CALN1: variants seen among roughly 807,000 people sequenced by gnomAD.
CALN1 encodes calcium-binding protein 8.
CALN1 carries 17 observed loss-of-function variants against 30.6 expected under a neutral mutation model. The ratio of observed to expected loss-of-function variants is 0.56; its 90% CI spans 0.38 to 0.83. The LOEUF is 0.83. Among genes scored for constraint, CALN1 ranks in the 40% least tolerant of loss-of-function variants. CALN1 has a pLI of 0.00. For missense variants in CALN1, 291 were observed against 354.9 expected (o/e 0.82, Z 1.45); for synonymous variants, 156 against 131.4 (o/e 1.19, Z -1.28).
intron 5 of CALN1, among the ~76,000 whole-genome samples, chr7:71,871,519 G>A (rs1040955341): frequency 4.6e-5 from 7 of 152,132 alleles, no homozygotes; most frequent in African/African-American, 1.7e-4. Context: ...GGCTGAGTCA[G>A]GAGGATCACT....
chr7:71,892,797 T>C (rs1161990910), intron 5 of CALN1, among the ~76,000 whole-genome samples: 2 of 152,200 alleles, frequency 1.3e-5, no homozygotes, highest in Non-Finnish European at 2.9e-5. Context: ...CTTTCACATT[T>C]TGTATGTTCT....
intron 2 of CALN1, among the ~76,000 whole-genome samples, chr7:72,341,673 G>A (rs1193621699): frequency 2.0e-5 from 3 of 152,136 alleles, no homozygotes; most frequent in Admixed American, 6.5e-5. Context: ...TCCTGCCTGC[G>A]TAAATTTGGG....
At chr7:72,151,438 A>G (rs1787239523) in intron 3 of CALN1, among the ~76,000 whole-genome samples, 1 of 152,142 alleles carries the variant, frequency 6.6e-6, no homozygotes, top group Non-Finnish European at 1.5e-5. Flanking sequence ...TTATCTCAGT[A>G]AAGATCCTAT....
chr7:72,324,132 T>C (rs915410135), intron 2 of CALN1, among the ~76,000 whole-genome samples: 1 of 152,100 alleles, frequency 6.6e-6, no homozygotes, highest in Admixed American at 6.6e-5. Flanking sequence ...AAGTTGGCTG[T>C]ACAGTGGAAT....
At chr7:72,118,046 G>T (rs907025786) in intron 3 of CALN1, among the ~76,000 whole-genome samples, 1 of 151,886 alleles carries the variant, frequency 6.6e-6, no homozygotes, top group Non-Finnish European at 1.5e-5. Context: ...CACAGGCCCA[G>T]TGCTCAGGGC....
At chr7:72,017,016 A>AAAAAAAAAAAAAAAAAAAAAAC (rs1800425338) in intron 5 of CALN1, among the ~76,000 whole-genome samples, 1 of 147,302 alleles carries the variant, frequency 6.8e-6, no homozygotes, top group African/African-American at 2.6e-5. Context: ...AAAAAAAAAA[A>AAAAAAAAAAAAAAAAAAAAAAC]AGCTGGGTAT....
intron 3 of CALN1, among the ~76,000 whole-genome samples, chr7:72,179,172 G>T (rs1789579010): frequency 6.6e-6 from 1 of 152,164 alleles, no homozygotes; most frequent in Non-Finnish European, 1.5e-5. Flanking sequence ...TGACTTTCAA[G>T]GGCATTCAGT....
intron 3 of CALN1, among the ~76,000 whole-genome samples, chr7:72,219,157 C>T (rs1331310651): frequency 2.0e-5 from 3 of 152,172 alleles, no homozygotes; most frequent in African/African-American, 2.4e-5. Context: ...GATCTGACCA[C>T]GGGCATAGAA....
chr7:72,440,094 C>A (rs908241018), intron 1 of CALN1, among the ~76,000 whole-genome samples: 2 of 152,166 alleles, frequency 1.3e-5, no homozygotes, highest in African/African-American at 4.8e-5. Flanking sequence ...ATCTCACGGA[C>A]AACAAAACTC....
chr7:72,202,370 G>A (rs921050304), intron 3 of CALN1, among the ~76,000 whole-genome samples: 1 of 151,890 alleles, frequency 6.6e-6, no homozygotes. Flanking sequence ...GAATAGAGTA[G>A]AACAAAAACA....
rs1481675951 is a variant in CALN1, at chr7:72,427,382, C to T, written c.-225-15107G>A. 2.0e-5 allele frequency among the ~76,000 whole-genome samples: 3 copies of T among 152,302 alleles called. No homozygotes were observed. The East Asian group carries it at 5.8e-4, about 29-fold the overall frequency. On this transcript the variant is annotated intron_variant, in intron 1 of 6. Coordinates refer to the CALN1 transcript ENST00000395276. ...AGCAAGGAGCTGGTTATTGGGCTGT[C>T]CAGACCTCTCAAGCAGCACAGAAAT...
chr7:72,236,962 T>C (rs909887347), intron 3 of CALN1, among the ~76,000 whole-genome samples: 1 of 151,762 alleles, frequency 6.6e-6, no homozygotes, highest in East Asian at 1.9e-4. Context: ...TCTGACCTAG[T>C]TGGGAACTTT....
At chr7:72,125,879 G>T (rs2040870) in intron 3 of CALN1, among the ~76,000 whole-genome samples, 35,245 of 143,780 alleles carry the variant, frequency 0.25, 5,139 homozygotes, top group East Asian at 0.67. Flanking sequence ...TCAGCTCACT[G>T]CAAACCACCA....
chr7:72,058,310 C>CTTTTTTTTTTTTTTTTT (rs3065011), intron 4 of CALN1, among the ~76,000 whole-genome samples: 2 of 70,746 alleles, frequency 2.8e-5, no homozygotes, highest in East Asian at 4.1e-4. Context: ...AAGCTGGAAT[C>CTTTTTTTTTTTTTTTTT]TTTTTTTTTT....
intron 4 of CALN1, among the ~76,000 whole-genome samples, chr7:72,031,198 C>T (rs1801414123): frequency 6.6e-6 from 1 of 152,130 alleles, no homozygotes; most frequent in Non-Finnish European, 1.5e-5. Flanking sequence ...ATCACTGTCT[C>T]CTGATCCCAG....
intron 3 of CALN1, among the ~76,000 whole-genome samples, chr7:72,218,628 G>A (rs565071945): frequency 1.6e-4 from 25 of 152,208 alleles, no homozygotes; most frequent in African/African-American, 4.6e-4. Flanking sequence ...TTCCAAAACC[G>A]AAACATCACT....
chr7:72,238,855 TAGC>T (rs909968944), intron 3 of CALN1, among the ~76,000 whole-genome samples: 1 of 152,130 alleles, frequency 6.6e-6, no homozygotes, highest in Non-Finnish European at 1.5e-5. Context: ...ATGTCTTTAT[TAGC>T]AGCATGAGAA....
intron 5 of CALN1, among the ~76,000 whole-genome samples, chr7:71,975,311 A>C (rs1355108082): frequency 1.3e-5 from 2 of 152,126 alleles, no homozygotes; most frequent in Non-Finnish European, 2.9e-5. Flanking sequence ...CCAATGGCAG[A>C]ATCAATATTT....
intron 5 of CALN1, among the ~76,000 whole-genome samples, chr7:71,880,115 T>G (rs1792478013): frequency 6.6e-6 from 1 of 152,058 alleles, no homozygotes. Flanking sequence ...CCAGCCTGGG[T>G]GATGGAGCAG....
Sources: gnomAD v4.1 joint callset for allele counts (sites outside exome capture counted in the v4.1 genomes callset) on GRCh38, gnomAD v4.1.1 for gene constraint, MANE v1.5 for transcripts, NCBI Gene and HGNC (gene_info 2026-07-23, HGNC 2026-07-21) for gene names.